The following ZEB1 variants were observed in gnomAD, a reference collection of about 807,000 sequenced individuals.
ZEB1 encodes the protein zinc finger E-box-binding homeobox 1.
ZEB1 carries 21 observed loss-of-function variants against 84.9 expected under a neutral mutation model. The observed-to-expected ratio is 0.25, with a 90% confidence interval of 0.18 to 0.36. The LOEUF is 0.36. Among genes scored for constraint, ZEB1 ranks in the 10% least tolerant of loss-of-function variants. The probability of loss-of-function intolerance (pLI) is 1.00; values close to 1 mark genes in which losing one functional copy is unlikely to be tolerated. For missense variants in ZEB1, 1,104 were observed against 1,330.2 expected (o/e 0.83, Z 2.65); for synonymous variants, 420 against 471.1 (o/e 0.89, Z 1.41).
At position 31,461,156 on chromosome 10, in the gene ZEB1, G is replaced by T. The variant is rs2061762880; in HGVS notation, c.178G>T (p.Asp60Tyr). The T allele has an allele frequency of 6.2e-7, 1 of 1,613,436 alleles. No homozygotes were observed. The highest frequency in any genetic ancestry group is 1.3e-5 in the African/African-American group (1 of 74,888). Residue 60 changes from aspartate (D) to tyrosine (Y), a missense_variant, in exon 2 of 9, where the codon GAC (aspartate) becomes TAC (tyrosine). Asp to Tyr is a radical substitution (Grantham distance 160, BLOSUM62 -3). Around this residue, in one of 7 missense-constraint regions of ZEB1, gnomAD observed 162 missense variants for 184.5 expected, o/e 0.88. Transcript: ENST00000424869. ...TGACTGTGAAGGTGTACCAGAGGAT[G>T]ACCTGCCAACAGACCAGACAGTGTT... ...AADCEGVPED[D>Y]LPTDQTVLPG...
intron 1 of ZEB1, among the ~76,000 whole-genome samples, chr10:31,328,081 G>A (rs1339963524): frequency 6.6e-6 from 1 of 152,024 alleles, no homozygotes; most frequent in Non-Finnish European, 1.5e-5. Flanking sequence ...TAATTTTAAT[G>A]TCAAAATTTT....
chr10:31,502,373 T>C lies in ZEB1; in HGVS notation c.348T>C (p.Asp116=). Residue 116 remains aspartate (D), a synonymous_variant, in exon 4 of 9, where the codon GAT becomes GAC. Transcript: ENST00000424869. Reference sequence around the variant, plus strand: ...TAAAAGATGATGAATGCGAGTCAGATGCAGAAAATGAGCAAAACCATGATC... The same window carrying C: ...TAAAAGATGATGAATGCGAGTCAGACGCAGAAAATGAGCAAAACCATGATC... ...CTVKDDECES[D]AENEQNHDPN... is the part of the protein sequence containing the mutation. 1 of 1,613,852 alleles carries C rather than the reference T, an allele frequency of 6.2e-7. No homozygotes were observed. Among genetic ancestry groups the C allele is most frequent in the South Asian group, 1.1e-5 (1 of 91,070 alleles).
chr10:31,363,987 C>G (rs374986949), intron 1 of ZEB1, among the ~76,000 whole-genome samples: 1 of 152,188 alleles, frequency 6.6e-6, no homozygotes, highest in African/African-American at 2.4e-5. Flanking sequence ...GAGCAGGTTG[C>G]CGATGGCATG....
chr10:31,526,548 G>C lies in ZEB1; in HGVS notation c.2786-124G>C, dbSNP rs1478870562. 22 of 1,242,504 alleles carry C rather than the reference G, an allele frequency of 1.8e-5. No individual in the cohort carries two copies. The Admixed American group carries it at 4.6e-4, about 26-fold the overall frequency. The allele number at this position is 1,242,504 out of a possible 1,614,324, so 77.0% of individuals were successfully genotyped here. On this transcript the variant is annotated intron_variant, in intron 8 of 8. Coordinates refer to ENST00000424869, the MANE Select transcript of ZEB1 (RefSeq NM_001174096.2). ...TATATTACAAAGAGTTTGGGACCTGGAAATGTTTTAAAAATGAAACTAATA... is the reference window on the plus strand; with the variant it reads ...TATATTACAAAGAGTTTGGGACCTGCAAATGTTTTAAAAATGAAACTAATA...
intron 7 of ZEB1, 70 bp from the exon 8 acceptor site, chr10:31,523,863 T>G: frequency 6.5e-7 from 1 of 1,541,840 alleles, no homozygotes; most frequent in South Asian, 1.1e-5. Context: ...CTTTATCTCA[T>G]GCTTTTATGT....
chr10:31,527,034 G>A lies in ZEB1; in HGVS notation c.3148G>A (p.Glu1050Lys). The A allele has an allele frequency of 3.8e-6, 6 of 1,586,808 alleles. No homozygotes were observed. The highest frequency in any genetic ancestry group is 4.3e-6 in the Non-Finnish European group (5 of 1,164,508). ...EEEEEDKEME[E>K]LQEEKECEKP... ...AGAGGAGGAGGATAAAGAGATGGAA[G>A]AATTGCAGGAAGAAAAAGAATGTGA... is the stretch of plus-strand genomic sequence containing the variant. The change falls in exon 9 of 9, where the codon GAA becomes AAA. Residue 1050 changes from glutamate to lysine, a missense_variant. Glu to Lys is a moderately conservative substitution (Grantham distance 56). Around this residue, in one of 7 missense-constraint regions of ZEB1, gnomAD observed 173 missense variants for 167.0 expected, o/e 1.04. Transcript: ENST00000424869.
At chr10:31,326,864 A>T (rs560882891) in intron 1 of ZEB1, among the ~76,000 whole-genome samples, 2 of 152,170 alleles carry the variant, frequency 1.3e-5, no homozygotes, top group African/African-American at 4.8e-5. Context: ...GCAGAGCATT[A>T]GTATTATTTA....
At position 31,521,277 on chromosome 10, in the gene ZEB1, G is replaced by C. The variant is rs571773412; in HGVS notation, c.1945G>C (p.Glu649Gln). The change falls in exon 7 of 9, where the codon GAA becomes CAA. Residue 649 changes from glutamate to glutamine, a missense_variant. By Grantham distance (29) the Glu-to-Gln change is conservative (BLOSUM62 2). Coordinates refer to ENST00000424869, the MANE Select transcript of ZEB1 (RefSeq NM_001174096.2). ...GCAGTCTTCTGAACCATCTTCTCCT[G>C]AACCAGGCAAAGTAAATATCCCTGC... ...SVQSSEPSSP[E>Q]PGKVNIPAKN... 6.2e-7 allele frequency: 1 copy of C among 1,614,024 alleles called. No individual in the cohort carries two copies. Among genetic ancestry groups the C allele is most frequent in the South Asian group, 1.1e-5 (1 of 91,082 alleles).
chr10:31,472,138 C>A (rs1246621663), intron 2 of ZEB1, among the ~76,000 whole-genome samples: 1 of 151,108 alleles, frequency 6.6e-6, no homozygotes, highest in African/African-American at 2.5e-5. Context: ...ACCCTAACAT[C>A]ACAATTAAAA....
intron 2 of ZEB1, among the ~76,000 whole-genome samples, chr10:31,467,631 G>A (rs906675834): frequency 6.6e-6 from 1 of 152,164 alleles, no homozygotes; most frequent in African/African-American, 2.4e-5. Context: ...TAAGGAGCCA[G>A]AGGACAAATC....
intron 1 of ZEB1, among the ~76,000 whole-genome samples, chr10:31,322,751 CTTTTT>C (rs34285204): frequency 6.9e-6 from 1 of 145,524 alleles, no homozygotes; most frequent in Non-Finnish European, 1.5e-5. Context: ...CTTGTTCTAC[CTTTTT>C]TTTTTTTGAG....
intron 1 of ZEB1, among the ~76,000 whole-genome samples, chr10:31,416,302 A>G (rs2055201785): frequency 1.1e-5 from 1 of 94,486 alleles, no homozygotes; most frequent in Non-Finnish European, 1.7e-5. Context: ...CTTCTAAGCT[A>G]TTGATATAAT....
chr10:31,422,447 T>C (rs2056323486), intron 1 of ZEB1, among the ~76,000 whole-genome samples: 1 of 152,154 alleles, frequency 6.6e-6, no homozygotes, highest in South Asian at 2.1e-4. Context: ...ATATTCATTC[T>C]TAAAAGAGAA....
At chr10:31,435,247 G>A (rs2058148937) in intron 1 of ZEB1, among the ~76,000 whole-genome samples, 1 of 152,168 alleles carries the variant, frequency 6.6e-6, no homozygotes, top group African/African-American at 2.4e-5. Flanking sequence ...GCTGGAAAAG[G>A]CAGGAAAGTG....
intron 1 of ZEB1, among the ~76,000 whole-genome samples, chr10:31,360,217 G>A (rs920585086): frequency 7.2e-5 from 11 of 152,036 alleles, no homozygotes; most frequent in Non-Finnish European, 1.6e-4. Context: ...ATGGTACTTG[G>A]CAGTGTTCCA....
intron 1 of ZEB1, among the ~76,000 whole-genome samples, chr10:31,426,316 C>T (rs1350279825): frequency 6.6e-6 from 1 of 152,030 alleles, no homozygotes; most frequent in Non-Finnish European, 1.5e-5. Flanking sequence ...CTACCCTCAT[C>T]CCACCCCCAT....
At chr10:31,526,134 G>A (rs2139950734) in intron 8 of ZEB1, among the ~76,000 whole-genome samples, 1 of 152,294 alleles carries the variant, frequency 6.6e-6, no homozygotes, top group East Asian at 1.9e-4. Flanking sequence ...AAAAGTCTGA[G>A]ATACTACAAT....
Position 31,409,106 on chromosome 10 carries a change from A to G in ZEB1, c.59-51931A>G, listed in dbSNP as rs539076610. On this transcript the variant is annotated intron_variant, in intron 1 of 8. Coordinates refer to ENST00000424869, the MANE Select transcript of ZEB1 (RefSeq NM_001174096.2). ...CAAAGGACATGAACAGACACTTCTC[A>G]AAAGAAGACATTTATGCAGCCAACA... is the stretch of plus-strand genomic sequence containing the variant. 7.0e-4 allele frequency among the ~76,000 whole-genome samples: 107 copies of G among 152,360 alleles called. 2 individuals carry two copies. The highest frequency in any genetic ancestry group is 2.5e-3 in the African/African-American group (102 of 41,578).
At chr10:31,459,668 G>C (rs187771901) in intron 1 of ZEB1, among the ~76,000 whole-genome samples, 14 of 152,176 alleles carry the variant, frequency 9.2e-5, no homozygotes, top group Non-Finnish European at 1.9e-4. Context: ...ACAAGATATT[G>C]AAGAACTCCT....
Sources: allele counts gnomAD v4.1 joint callset (sites outside exome capture counted in the v4.1 genomes callset), GRCh38; gene constraint gnomAD v4.1.1; regional missense constraint gnomAD v4.1.1; transcripts MANE v1.5; gene names NCBI Gene and HGNC (gene_info 2026-07-23, HGNC 2026-07-21).